Variants in TECTB observed in about 807,000 individuals in gnomAD.
TECTB encodes the protein tectorin beta.
Under a neutral mutation model 43.3 loss-of-function variants are expected in TECTB, and 45 were observed. That is an observed-to-expected ratio of 1.04 (90% CI 0.82 to 1.33). TECTB has a LOEUF of 1.33. TECTB is among the 40% of genes most tolerant of loss of function. The pLI is 0.00. For missense variants in TECTB, 399 were observed against 404.7 expected (o/e 0.99, Z 0.12); for synonymous variants, 169 against 156.7 (o/e 1.08, Z -0.59).
At chr10:112,293,041 C>T (rs573077626) in intron 5 of TECTB, among the ~76,000 whole-genome samples, 69 of 152,342 alleles carry the variant, frequency 4.5e-4, no homozygotes, top group Admixed American at 8.5e-4. Flanking sequence ...TCCTGATCTT[C>T]CTTATCCCAC....
chr10:112,293,673 C>A, intron 5 of TECTB, 65 bp from the exon 6 acceptor site: 1 of 1,448,950 alleles, frequency 6.9e-7, no homozygotes, highest in Non-Finnish European at 9.7e-7. Context: ...AATTCATCTG[C>A]TCCTGGTAGA....
intron 5 of TECTB, among the ~76,000 whole-genome samples, chr10:112,289,975 G>T (rs1044820175): frequency 6.6e-6 from 1 of 152,108 alleles, no homozygotes; most frequent in Admixed American, 6.5e-5. Flanking sequence ...TGACTCAACC[G>T]TTCACAACTG....
chr10:112,298,918 C>T (rs1178637589), intron 8 of TECTB, among the ~76,000 whole-genome samples: 2 of 152,206 alleles, frequency 1.3e-5, no homozygotes, highest in African/African-American at 4.8e-5. Flanking sequence ...CTGCTATCCA[C>T]ATAGCCTATA....
chr10:112,292,417 C>G (rs1388292268), intron 5 of TECTB, among the ~76,000 whole-genome samples: 1 of 151,984 alleles, frequency 6.6e-6, no homozygotes, highest in Non-Finnish European at 1.5e-5. Context: ...GAGTAAGACC[C>G]AGTGTTTAGT....
At chr10:112,298,587 C>T (rs1848569461) in intron 8 of TECTB, among the ~76,000 whole-genome samples, 2 of 152,100 alleles carry the variant, frequency 1.3e-5, no homozygotes, top group South Asian at 4.1e-4. Context: ...GTGAAAAGGG[C>T]AAGGGAAATT....
At chr10:112,300,158 G>A (rs1262746260) in intron 9 of TECTB, among the ~76,000 whole-genome samples, 3 of 126,236 alleles carry the variant, frequency 2.4e-5, no homozygotes, top group East Asian at 4.8e-4. Flanking sequence ...GCGAAACTCC[G>A]TCTCAAAAAA....
At chr10:112,292,538 G>A (rs977712842) in intron 5 of TECTB, among the ~76,000 whole-genome samples, 1 of 152,120 alleles carries the variant, frequency 6.6e-6, no homozygotes, top group Non-Finnish European at 1.5e-5. Context: ...AGGTTCAAGA[G>A]ATCTTCCTGC....
In TECTB at chr10:112,296,969, C is replaced by T. The variant is rs151162597; in HGVS notation, c.672-1100C>T. 7.7e-4 allele frequency among the ~76,000 whole-genome samples: 117 copies of T among 152,288 alleles called. 1 individual carries two copies. Among genetic ancestry groups the T allele is most frequent in the Non-Finnish European group, 1.3e-3 (87 of 68,024 alleles). ...TGCAGAGCGACAGACCCTGCTACCC[C>T]GTGCTACCTGCAGATAACAAACCCC... is the stretch of plus-strand genomic sequence containing the variant. On this transcript the variant is annotated intron_variant, in intron 7 of 10. Transcript: ENST00000646139.
intron 9 of TECTB, among the ~76,000 whole-genome samples, chr10:112,300,278 G>A (rs200367985): frequency 0.075 from 2,207 of 29,356 alleles, 30 homozygotes; most frequent in Non-Finnish European, 0.1. Context: ...AAGAAAGAAA[G>A]AAAAGAAAGA....
In TECTB at chr10:112,304,005, T is replaced by C. The variant is rs1589644615; in HGVS notation, c.*693T>C. On this transcript the variant is annotated 3_prime_UTR_variant, in exon 11 of 11. Transcript: ENST00000646139. ...TGTTTTTATAGCAGATGTATACTTC[T>C]AAAGTCAAAAGAAAATTACAAATTA... The C allele has an allele frequency of 6.6e-6, 1 of 152,222 alleles. No individual in the cohort carries two copies. Among genetic ancestry groups the C allele is most frequent in the East Asian group, 1.9e-4 (1 of 5,204 alleles). The allele number at this position is 152,222 out of a possible 1,614,324, so 9.4% of individuals were successfully genotyped here.
chr10:112,300,686 A>G (rs1848603802), intron 9 of TECTB, among the ~76,000 whole-genome samples: 1 of 152,244 alleles, frequency 6.6e-6, no homozygotes, highest in Non-Finnish European at 1.5e-5. Flanking sequence ...TCATGCTCAC[A>G]GGAAATGCTC....
intron 9 of TECTB, among the ~76,000 whole-genome samples, chr10:112,300,307 GAAAGAAAGAAAGAGAAAGAA>G: frequency 1.9e-5 from 2 of 107,428 alleles, no homozygotes; most frequent in African/African-American, 4.1e-5. Context: ...AAGAAAGAAA[GAAAGAAAGAAAGAGAAAGAA>G]AAAAGAAAAG....
chr10:112,290,680 C>T (rs946103701), intron 5 of TECTB, among the ~76,000 whole-genome samples: 4 of 152,180 alleles, frequency 2.6e-5, no homozygotes, highest in African/African-American at 9.7e-5. Flanking sequence ...CAAAATATGA[C>T]AAATCTCAGA....
intron 5 of TECTB, 69 bp from the exon 6 acceptor site, chr10:112,293,669 T>G: frequency 7.0e-7 from 1 of 1,418,504 alleles, no homozygotes; most frequent in Non-Finnish European, 1.0e-6. Flanking sequence ...TCCCAATTCA[T>G]CTGCTCCTGG....
At chr10:112,285,601 T>C (rs141613618) in intron 3 of TECTB, among the ~76,000 whole-genome samples, 2 of 152,334 alleles carry the variant, frequency 1.3e-5, no homozygotes, top group East Asian at 1.9e-4. Context: ...TCTAATATTC[T>C]GTGATTTTAG....
Position 112,303,437 on chromosome 10 carries a change from T to C in TECTB, c.*125T>C. On this transcript the variant is annotated 3_prime_UTR_variant, in exon 11 of 11. Transcript: ENST00000646139. ...TTGTTGGGGGGCAGAGAATAGCACT[T>C]TGCCAAATATGCACTCCAATAATTT... 1 of 1,166,154 alleles carries C rather than the reference T, an allele frequency of 8.6e-7. No individual in the cohort carries two copies. The highest frequency in any genetic ancestry group is 1.3e-6 in the Non-Finnish European group (1 of 790,392). The allele number at this position is 1,166,154 out of a possible 1,614,324, so 72.2% of individuals were successfully genotyped here.
In TECTB at chr10:112,294,021, G is replaced by C; in HGVS notation, c.631G>C (p.Asp211His). 1 of 1,614,192 alleles carries C rather than the reference G, an allele frequency of 6.2e-7. No individual in the cohort carries two copies. Among genetic ancestry groups the C allele is most frequent in the Non-Finnish European group, 8.5e-7 (1 of 1,180,026 alleles). Residue 211 changes from aspartate to histidine, a missense_variant, in exon 7 of 11, where the codon GAC becomes CAC. Asp to His is a moderately conservative substitution (Grantham distance 81). Transcript: ENST00000646139. The stretch of plus-strand genomic sequence containing the variant: ...CAGCTGTTGGGCCACCCCCTCGGCT[G>C]ACTTCATGTATCCCTTGCAGTGGCA... ...LNSCWATPSA[D>H]FMYPLQWQLI... is the part of the protein sequence containing the mutation.
rs17129693 is a variant in TECTB at position 112,283,558 on chromosome 10, C to T, written c.-88+62C>T. 3.5e-3 allele frequency: 2,120 copies of T among 607,460 alleles called. 44 individuals carry two copies. The African/African-American group carries it at 0.035, about 10-fold the overall frequency. 37.6% of individuals were successfully genotyped at this position (607,460 alleles called of 1,614,324 possible). On this transcript the variant is annotated intron_variant, in intron 1 of 10. Transcript: ENST00000646139. ...GAAACAATTAGAAACGACACAACATCGTTTATCTCCCTTGAAAATTTCCCC... is the reference window on the plus strand; with the variant it reads ...GAAACAATTAGAAACGACACAACATTGTTTATCTCCCTTGAAAATTTCCCC...
At chr10:112,300,220 C>A (rs201139690) in intron 9 of TECTB, among the ~76,000 whole-genome samples, 104 of 46,116 alleles carry the variant, frequency 2.3e-3, no homozygotes, top group South Asian at 5.2e-3. Flanking sequence ...GACAGACAGA[C>A]AGAAAGAAAT....
Sources: allele counts gnomAD v4.1 joint callset (sites outside exome capture counted in the v4.1 genomes callset), GRCh38; gene constraint gnomAD v4.1.1; transcripts MANE v1.5; gene names NCBI Gene and HGNC (gene_info 2026-07-23, HGNC 2026-07-21).